Variants in ADAM23 observed in about 807,000 individuals in gnomAD.
ADAM23 encodes the protein disintegrin and metalloproteinase domain-containing protein 23.
Under a neutral mutation model 120.1 loss-of-function variants are expected in ADAM23, and 33 were observed. The ratio of observed to expected loss-of-function variants is 0.27; its 90% confidence interval spans 0.21 to 0.37. The LOEUF is 0.37. Ranked by LOEUF, ADAM23 falls within the 10% of genes least tolerant of loss-of-function variation. The pLI is 1.00. For synonymous variants in ADAM23, 367 were observed against 375.2 expected (o/e 0.98, Z 0.25); for missense variants, 862 against 1,058.2 (o/e 0.81, Z 2.57).
chr2:206,583,902 A>G (rs1352813930), intron 18 of ADAM23, among the ~76,000 whole-genome samples: 1 of 151,988 alleles, frequency 6.6e-6, no homozygotes, highest in Non-Finnish European at 1.5e-5. Flanking sequence ...CTGGTGAACT[A>G]GTGTGATTTT....
intron 2 of ADAM23, among the ~76,000 whole-genome samples, chr2:206,467,416 C>T (rs1383098099): frequency 6.6e-6 from 1 of 152,188 alleles, no homozygotes; most frequent in Non-Finnish European, 1.5e-5. Flanking sequence ...GCTTATAGGC[C>T]CCATGCAAGT....
At chr2:206,573,026 T>C in intron 17 of ADAM23, 89 bp from the exon 18 acceptor site, 2 of 1,265,626 alleles carry the variant, frequency 1.6e-6, no homozygotes, top group Non-Finnish European at 2.3e-6. Flanking sequence ...TATGCGAGAG[T>C]ATAGGCATTG....
At chr2:206,559,654 C>T (rs754576793) in intron 10 of ADAM23, among the ~76,000 whole-genome samples, 3 of 152,118 alleles carry the variant, frequency 2.0e-5, no homozygotes, top group Non-Finnish European at 2.9e-5. Context: ...TTTTACTGAA[C>T]GATGTTTTAA....
At chr2:206,490,350 A>G (rs1214874350) in intron 3 of ADAM23, among the ~76,000 whole-genome samples, 1 of 152,340 alleles carries the variant, frequency 6.6e-6, no homozygotes, top group East Asian at 1.9e-4. Context: ...CACCGTTCTA[A>G]TTCACTTATT....
intron 18 of ADAM23, among the ~76,000 whole-genome samples, chr2:206,576,420 T>G (rs1280128260): frequency 6.6e-6 from 1 of 152,052 alleles, no homozygotes; most frequent in Non-Finnish European, 1.5e-5. Context: ...AAGTAAAACA[T>G]TTTTTCTTTT....
chr2:206,473,462 A>C (rs1695703714), intron 2 of ADAM23, among the ~76,000 whole-genome samples: 1 of 151,924 alleles, frequency 6.6e-6, no homozygotes, highest in Non-Finnish European at 1.5e-5. Context: ...TGCCAGGGGT[A>C]GTGGCTCACA....
At chr2:206,483,928 T>C (rs1189137940) in intron 3 of ADAM23, among the ~76,000 whole-genome samples, 1 of 151,884 alleles carries the variant, frequency 6.6e-6, no homozygotes, top group Non-Finnish European at 1.5e-5. Context: ...GCAGAAGACA[T>C]TGGGATCAAG....
In ADAM23 at chr2:206,561,193, G is replaced by A; in HGVS notation, c.1235G>A (p.Arg412Lys). The stretch of plus-strand genomic sequence containing the variant: ...TTTGGAGGTGTCTGTTCTCGCACAA[G>A]AGGAGTTGGTGTGAATGAGGTAAAT... ...SYFGGVCSRT[R>K]GVGVNEYGLP... is the part of the protein sequence containing the mutation. The change falls in exon 12 of 26, where the codon AGA (arginine) becomes AAA (lysine). Residue 412 changes from arginine to lysine, a missense_variant. Arg to Lys is a conservative substitution (Grantham distance 26). Around this residue, in one of 4 missense-constraint regions of ADAM23, gnomAD observed 617 missense variants for 813.5 expected, o/e 0.76. Transcript: ENST00000264377. 1 of 1,613,976 alleles carries A rather than the reference G, an allele frequency of 6.2e-7. No homozygotes were observed. The highest frequency in any genetic ancestry group is 8.5e-7 in the Non-Finnish European group (1 of 1,179,894).
intron 3 of ADAM23, among the ~76,000 whole-genome samples, chr2:206,513,622 C>G (rs958224816): frequency 3.3e-5 from 5 of 152,060 alleles, no homozygotes; most frequent in African/African-American, 1.2e-4. Flanking sequence ...GAACATCTAG[C>G]TAAGATAATT....
chr2:206,592,612 T>C lies in ADAM23; in HGVS notation c.1959-5T>C, dbSNP rs375881463. The C allele has an allele frequency of 3.1e-6, 5 of 1,613,734 alleles. No individual in the cohort carries two copies. The highest frequency in any genetic ancestry group is 2.2e-5 in the East Asian group (1 of 44,878). On this transcript the variant is annotated splice_polypyrimidine_tract_variant and splice_region_variant and intron_variant, in intron 21 of 25. Coordinates refer to ENST00000264377, the MANE Select transcript of ADAM23 (RefSeq NM_003812.4). Reference sequence around the variant, plus strand: ...GGTCTGTTTGTTTTCTTTACACATGTTCAGTGATGTGTTCTGTGGATTCTT... The same window carrying C: ...GGTCTGTTTGTTTTCTTTACACATGCTCAGTGATGTGTTCTGTGGATTCTT...
intron 18 of ADAM23, among the ~76,000 whole-genome samples, chr2:206,575,095 A>G (rs1026301541): frequency 2.0e-5 from 3 of 152,178 alleles, no homozygotes; most frequent in Non-Finnish European, 4.4e-5. Context: ...GGGTGATCAA[A>G]TATTTCTTTC....
In ADAM23 at chr2:206,565,085, C is replaced by T. The variant is rs752026845; in HGVS notation, c.1394+17C>T. 4 of 1,613,256 alleles carry T rather than the reference C, an allele frequency of 2.5e-6. No homozygotes were observed. The highest frequency in any genetic ancestry group is 2.2e-5 in the South Asian group (2 of 91,028). On this transcript the variant is annotated intron_variant, in intron 14 of 25. Transcript: ENST00000264377. The stretch of plus-strand genomic sequence containing the variant: ...GGAAACAGGGTAAATTTTCATTATG[C>T]GTGCATTTGATATATGCCTTTTGCT...
intron 2 of ADAM23, among the ~76,000 whole-genome samples, chr2:206,465,054 G>C (rs953649984): frequency 1.3e-5 from 2 of 151,996 alleles, no homozygotes; most frequent in East Asian, 3.9e-4. Context: ...TTCTTTCTTT[G>C]TTTTTCTTAG....
At chr2:206,485,746 C>G (rs1029664105) in intron 3 of ADAM23, among the ~76,000 whole-genome samples, 2 of 152,206 alleles carry the variant, frequency 1.3e-5, no homozygotes, top group African/African-American at 4.8e-5. Context: ...CCTTTTAGAG[C>G]TTCATTCCAG....
chr2:206,493,318 C>G (rs1397294427), intron 3 of ADAM23, among the ~76,000 whole-genome samples: 1 of 152,132 alleles, frequency 6.6e-6, no homozygotes, highest in Non-Finnish European at 1.5e-5. Flanking sequence ...TATCCATGAG[C>G]CTTAATATAA....
In ADAM23 at chr2:206,465,165, C is replaced by T. The variant is rs141823827; in HGVS notation, c.433-16067C>T. On this transcript the variant is annotated intron_variant, in intron 2 of 25. Coordinates refer to ENST00000264377, the MANE Select transcript of ADAM23 (RefSeq NM_003812.4). ...GGCTTAAGCAATCCTCAGCCTCTTG[C>T]GTAGCTAGGACTGTAGGCTCACACC... 2.9e-4 allele frequency among the ~76,000 whole-genome samples: 44 copies of T among 152,204 alleles called. No homozygotes were observed. In the East Asian group the frequency reaches 7.3e-3, roughly 25 times the overall value.
At chr2:206,444,564 C>T (rs893192861) in intron 1 of ADAM23, among the ~76,000 whole-genome samples, 2 of 152,200 alleles carry the variant, frequency 1.3e-5, no homozygotes, top group African/African-American at 4.8e-5. Context: ...AATTAAGGTG[C>T]TGAAGACATA....
chr2:206,533,349 C>T (rs994466173), intron 4 of ADAM23, among the ~76,000 whole-genome samples: 1 of 152,100 alleles, frequency 6.6e-6, no homozygotes, highest in Non-Finnish European at 1.5e-5. Context: ...TTACAGGCAC[C>T]TGCCACCATG....
chr2:206,605,579 T>A (rs1176061072), intron 24 of ADAM23, among the ~76,000 whole-genome samples: 2 of 152,220 alleles, frequency 1.3e-5, no homozygotes, highest in African/African-American at 4.8e-5. Flanking sequence ...TTATGTTTTT[T>A]AAAAGTAGGG....
Sources: allele counts gnomAD v4.1 joint callset (sites outside exome capture counted in the v4.1 genomes callset), GRCh38; gene constraint gnomAD v4.1.1; regional missense constraint gnomAD v4.1.1; transcripts MANE v1.5; gene names NCBI Gene and HGNC (gene_info 2026-07-23, HGNC 2026-07-21).